Variants in ITFG2 observed in about 807,000 individuals in gnomAD.
The protein encoded by ITFG2 is KICSTOR complex protein ITFG2.
Under a neutral mutation model 54.4 loss-of-function variants are expected in ITFG2, and 36 were observed. The observed-to-expected ratio is 0.66, with a 90% CI of 0.51 to 0.87. The LOEUF is 0.87. Among genes scored for constraint, ITFG2 ranks in the 40% least tolerant of loss-of-function variants. The pLI, the probability that ITFG2 is intolerant of heterozygous loss-of-function variation, is 0.00. For missense variants in ITFG2, 524 were observed against 576.7 expected (o/e 0.91, Z 0.94); for synonymous variants, 211 against 225.4 (o/e 0.94, Z 0.57).
At chr12:2,835,340 A>G (rs1251257785), upstream of ITFG2, 4 of 464,310 alleles carry the variant, frequency 8.6e-6, no homozygotes, top group South Asian at 7.0e-5. Context: ...CCTCCTCTGC[A>G]TCCCTCCCAG....
At chr12:2,823,722 T>A (rs956061465) in intron 10 of ITFG2, 48 bp from the exon 11 acceptor site, 1 of 1,509,198 alleles carries the variant, frequency 6.6e-7, no homozygotes, top group Non-Finnish European at 8.9e-7. Flanking sequence ...CCCCCCACTG[T>A]CGGCACTGAA....
chr12:2,827,708 T>A (rs1340283444), downstream of ITFG2: 2 of 1,613,670 alleles, frequency 1.2e-6, no homozygotes, highest in South Asian at 2.2e-5. This position sits in a 1 kb window ranked among gnomAD's most constrained non-coding sequence, Gnocchi z 4.0. Context: ...CAGAAGAGGC[T>A]GAGGGTTCCC....
chr12:2,858,695 C>T (rs2098098108), intron 3 of ITFG2: 2 of 1,614,054 alleles, frequency 1.2e-6, no homozygotes, highest in Non-Finnish European at 1.7e-6. Context: ...CCAGTGGGTC[C>T]TCGTCCAGGC....
chr12:2,821,033 C>A (rs1205114092), intron 6 of ITFG2, among the ~76,000 whole-genome samples, 161 bp downstream of exon 6: 1 of 152,166 alleles, frequency 6.6e-6, no homozygotes, highest in East Asian at 1.9e-4. Flanking sequence ...ACTTTAAGAC[C>A]AAGGGAATCC....
intron 2 of ITFG2, chr12:2,854,993 CCTT>C (rs1313497226): frequency 7.8e-6 from 12 of 1,536,248 alleles, no homozygotes; most frequent in African/African-American, 2.7e-5. Context: ...TCCTTCAACT[CCTT>C]CACTGTCCTG....
upstream of ITFG2, among the ~76,000 whole-genome samples, chr12:2,832,124 C>T (rs1006238960): frequency 6.6e-6 from 1 of 152,136 alleles, no homozygotes; most frequent in Non-Finnish European, 1.5e-5. Flanking sequence ...ACTCTCATAC[C>T]TACCGAATCA....
chr12:2,851,312 T>C (rs2098070185), intron 2 of ITFG2, among the ~76,000 whole-genome samples: 1 of 152,164 alleles, frequency 6.6e-6, no homozygotes, highest in Non-Finnish European at 1.5e-5. Context: ...ACTGTGGACT[T>C]CATAAACACT....
At chr12:2,840,828 T>A (rs1032414197) in intron 1 of ITFG2, 2 of 152,312 alleles carry the variant, frequency 1.3e-5, no homozygotes, top group African/African-American at 4.8e-5. Context: ...AAATACAATT[T>A]TTTTTTTTTG....
intron 3 of ITFG2, chr12:2,858,505 T>C: frequency 1.3e-6 from 1 of 740,738 alleles, no homozygotes. Context: ...TACTTTTGCA[T>C]AATCAGGCAG....
At chr12:2,833,826 A>G (rs1306762083), upstream of ITFG2, among the ~76,000 whole-genome samples, 1 of 152,154 alleles carries the variant, frequency 6.6e-6, no homozygotes, top group Non-Finnish European at 1.5e-5. Context: ...CAATCCTATG[A>G]TTGATTTGAT....
At chr12:2,827,996 G>A, downstream of ITFG2, 3 of 1,614,192 alleles carry the variant, frequency 1.9e-6, no homozygotes, top group Non-Finnish European at 2.5e-6. This position sits in a 1 kb window ranked among gnomAD's most constrained non-coding sequence, Gnocchi z 4.0. Context: ...CCTGGGTTGG[G>A]GGCCCAGGGG....
At position 2,857,180 on chromosome 12, in the gene ITFG2, C is replaced by T. The variant is rs187985605; in HGVS notation, n.301-832C>T. 1.1e-5 allele frequency: 7 copies of T among 656,852 alleles called. No homozygotes were observed. In the Admixed American group the frequency reaches 1.1e-4, roughly 11 times the overall value. The allele number at this position is 656,852 out of a possible 1,614,324, so 40.7% of individuals were successfully genotyped here. ...CCTGGAGCCTCTTGTGACCCTTGGG[C>T]CCCTGGCTACTTTTCAGGTTAGACA... On this transcript the variant is annotated intron_variant and non_coding_transcript_variant, in intron 2 of 3. Transcript: ENST00000537710.
At chr12:2,849,350 T>G in intron 2 of ITFG2, 1 of 1,536,162 alleles carries the variant, frequency 6.5e-7, no homozygotes, top group Non-Finnish European at 8.7e-7. Context: ...AAATCCCTTA[T>G]GAGGTCCTGG....
chr12:2,841,573 T>C (rs185184935), intron 2 of ITFG2, among the ~76,000 whole-genome samples: 19 of 152,322 alleles, frequency 1.2e-4, no homozygotes. Flanking sequence ...ACTAGACATA[T>C]ATGGTTATTG....
downstream of ITFG2, chr12:2,828,523 G>A (rs1445975647): frequency 1.4e-5 from 12 of 855,580 alleles, no homozygotes; most frequent in Non-Finnish European, 2.3e-5. Flanking sequence ...AATGAGTGGA[G>A]AAAATGAACT....
At chr12:2,842,384 G>A (rs112141761) in intron 2 of ITFG2, among the ~76,000 whole-genome samples, 4,791 of 150,062 alleles carry the variant, frequency 0.032, 233 homozygotes, top group African/African-American at 0.11. Context: ...GCCTCCCAAA[G>A]TGCTGGGATT....
chr12:2,850,230 C>G (rs1301125455), intron 2 of ITFG2, among the ~76,000 whole-genome samples: 1 of 152,098 alleles, frequency 6.6e-6, no homozygotes, highest in Non-Finnish European at 1.5e-5. Context: ...AATCCCAGCA[C>G]TTTGGGAGGC....
At chr12:2,833,816 C>T (rs556152261), upstream of ITFG2, among the ~76,000 whole-genome samples, 1 of 152,308 alleles carries the variant, frequency 6.6e-6, no homozygotes, top group Non-Finnish European at 1.5e-5. Flanking sequence ...ACTCTCCCAA[C>T]AATCCTATGA....
chr12:2,830,816 C>G, intron 2 of ITFG2: 1 of 1,613,700 alleles, frequency 6.2e-7, no homozygotes, highest in East Asian at 2.2e-5. Context: ...GAAGCCAATT[C>G]GGGTTTCCCT....
Sources: gnomAD v4.1 joint callset for allele counts (sites outside exome capture counted in the v4.1 genomes callset) on GRCh38, gnomAD v4.1.1 for gene constraint, Gnocchi (gnomAD v3.1) non-coding constraint, MANE v1.5 for transcripts, NCBI Gene and HGNC (gene_info 2026-07-23, HGNC 2026-07-21) for gene names.